Variants in FRYL observed in about 807,000 individuals in gnomAD.
The protein encoded by FRYL is protein furry homolog-like.
FRYL carries 150 observed loss-of-function variants against 351.2 expected under a neutral mutation model. The observed-to-expected ratio is 0.43, with a 90% CI of 0.37 to 0.49. FRYL has a LOEUF of 0.49. Among genes scored for constraint, FRYL ranks in the 20% least tolerant of loss-of-function variants. The pLI, the probability that FRYL is intolerant of heterozygous loss-of-function variation, is 0.00. For synonymous variants in FRYL, 1,153 were observed against 1,257.1 expected (o/e 0.92, Z 1.75); for missense variants, 3,036 against 3,619.3 (o/e 0.84, Z 4.13).
chr4:48,765,950 C>G (rs985862371), intron 1 of FRYL, among the ~76,000 whole-genome samples: 2 of 152,104 alleles, frequency 1.3e-5, no homozygotes, highest in African/African-American at 4.8e-5. Context: ...TGAGTTATCT[C>G]ACACCCAGAA....
chr4:48,556,198 A>G (rs1342702320), intron 35 of FRYL, among the ~76,000 whole-genome samples: 1 of 152,166 alleles, frequency 6.6e-6, no homozygotes, highest in Non-Finnish European at 1.5e-5. Flanking sequence ...CCTGGCCTGT[A>G]AGAACTTTTA....
rs375198805 is a variant in FRYL at position 48,586,659 on chromosome 4, G to A, written c.1710C>T (p.Asp570=). 33 of 1,611,798 alleles carry A rather than the reference G, an allele frequency of 2.0e-5. No individual in the cohort carries two copies. The highest frequency in any genetic ancestry group is 1.1e-4 in the East Asian group (5 of 44,704). ...CAATCAGGTCAGTTCTGCTCATACC[G>A]TCAGGAATCAACCTTGGAATCGCAG... ...CIAAIPRLIP[D]GMSRTDLIEL... The change falls in exon 19 of 64, where the codon GAC becomes GAT. Residue 570 remains aspartate, a synonymous_variant. Transcript: ENST00000358350.
intron 9 of FRYL, among the ~76,000 whole-genome samples, chr4:48,607,185 C>T (rs1316875493): frequency 6.6e-6 from 1 of 152,126 alleles, no homozygotes; most frequent in East Asian, 1.9e-4. Flanking sequence ...AAAAGGACAT[C>T]TAATAGTTTA....
In FRYL at chr4:48,634,494, A is replaced by G; in HGVS notation, c.-80-4T>C. 1 of 1,605,274 alleles carries G rather than the reference A, an allele frequency of 6.2e-7. No individual in the cohort carries two copies. The highest frequency in any genetic ancestry group is 8.5e-7 in the Non-Finnish European group (1 of 1,175,070). ...ACTTTGCTGACTGGCGCTGAAGCTA[A>G]AAGTAAAAGAAACAAAAGAACTCTA... On this transcript the variant is annotated splice_polypyrimidine_tract_variant and splice_region_variant and intron_variant, in intron 3 of 63. Transcript: ENST00000358350.
chr4:48,592,082 T>TTTTATATATATATATATATATATATATA (rs1553941949), intron 16 of FRYL, among the ~76,000 whole-genome samples: 6 of 116,206 alleles, frequency 5.2e-5, no homozygotes, highest in Non-Finnish European at 1.0e-4. Context: ...AATAAAGCTC[T>TTTTATATATATATATATATATATATATA]TATATATATA....
chr4:48,635,022 A>C (rs1466312660), intron 3 of FRYL, among the ~76,000 whole-genome samples: 1 of 152,184 alleles, frequency 6.6e-6, no homozygotes, highest in Non-Finnish European at 1.5e-5. Flanking sequence ...AAGACAAAGC[A>C]CCAGGAACAG....
At chr4:48,704,322 T>G (rs1767072824) in intron 2 of FRYL, among the ~76,000 whole-genome samples, 1 of 152,088 alleles carries the variant, frequency 6.6e-6, no homozygotes, top group South Asian at 2.1e-4. Context: ...AGATATTCAA[T>G]ATCACTCACA....
At chr4:48,515,418 A>T (rs1723365396) in intron 55 of FRYL, 143 bp from the exon 56 acceptor site, 2 of 641,354 alleles carry the variant, frequency 3.1e-6, no homozygotes, top group Non-Finnish European at 5.3e-6. Flanking sequence ...GCTGGAGTGG[A>T]GTGCAATGGC....
At chr4:48,510,243 A>G in intron 58 of FRYL, 86 bp from the exon 59 acceptor site, 1 of 967,750 alleles carries the variant, frequency 1.0e-6, no homozygotes, top group Non-Finnish European at 1.7e-6. Context: ...TCAGTCATGG[A>G]ATAGCTGTTA....
Position 48,606,498 on chromosome 4 carries a change from T to G in FRYL, c.681A>C (p.Lys227Asn). 1 of 1,612,840 alleles carries G rather than the reference T, an allele frequency of 6.2e-7. No individual in the cohort carries two copies. Among genetic ancestry groups the G allele is most frequent in the Non-Finnish European group, 8.5e-7 (1 of 1,179,126 alleles). The change falls in exon 10 of 64, where the codon AAA becomes AAC. Residue 227 changes from lysine to asparagine, a missense_variant. Physicochemically the swap from Lys to Asn is moderately conservative, Grantham distance 94. Around this residue, in one of 7 missense-constraint regions of FRYL, gnomAD observed 457 missense variants for 566.6 expected, o/e 0.81. Coordinates refer to ENST00000358350, the MANE Select transcript of FRYL (RefSeq NM_015030.2). ...QSVISLIMGM[K>N]FFRVKMYPVE... ...CAGGATACATTTTTACTCGAAAAAA[T>G]TTCATTCCCATTATTAAGCTGATGA...
chr4:48,544,669 G>A lies in FRYL; in HGVS notation c.5401+114C>T, dbSNP rs544849608. ...ATCTGTTATCATTAATAAATTAAAA[G>A]TCTAAAACTTTTAGAGGTATCACAA... On this transcript the variant is annotated intron_variant, in intron 43 of 63. Transcript: ENST00000358350. 79 of 776,532 alleles carry A rather than the reference G, an allele frequency of 1.0e-4. No individual in the cohort carries two copies. In the South Asian group the frequency reaches 2.2e-3, roughly 22 times the overall value. The allele number at this position is 776,532 out of a possible 1,614,324, so 48.1% of individuals were successfully genotyped here. A position where few individuals can be genotyped will look rare whatever the true frequency, so the allele number is the denominator to read the frequency against.
At chr4:48,589,967 G>T in intron 17 of FRYL, 90 bp from the exon 18 acceptor site, 1 of 1,146,212 alleles carries the variant, frequency 8.7e-7, no homozygotes, top group Non-Finnish European at 1.3e-6. Flanking sequence ...ATCTTTAAAT[G>T]ATTAGCTTAT....
At chr4:48,515,320 A>G (rs1200461787) in intron 55 of FRYL, 45 bp from the exon 56 acceptor site, 1 of 1,430,396 alleles carries the variant, frequency 7.0e-7, no homozygotes, top group African/African-American at 1.4e-5. Context: ...CACATAAAAA[A>G]AGAATTTTAC....
intron 2 of FRYL, 65 bp downstream of exon 2, chr4:48,710,454 A>G (rs1421148747): frequency 1.5e-5 from 6 of 398,408 alleles, no homozygotes; most frequent in African/African-American, 6.2e-5. Flanking sequence ...CAAAAAGTGC[A>G]GGTATTAACT....
At chr4:48,723,731 A>G (rs1769750216) in intron 1 of FRYL, among the ~76,000 whole-genome samples, 1 of 152,036 alleles carries the variant, frequency 6.6e-6, no homozygotes, top group Non-Finnish European at 1.5e-5. Context: ...GGAGACTCTT[A>G]GCTGATGATA....
chr4:48,661,590 C>A (rs942303742), intron 3 of FRYL, among the ~76,000 whole-genome samples: 3 of 152,178 alleles, frequency 2.0e-5, no homozygotes, highest in Admixed American at 6.5e-5. Context: ...TCCTCTAAAC[C>A]AAGCTGCAAA....
intron 3 of FRYL, among the ~76,000 whole-genome samples, chr4:48,651,879 A>T (rs781383860): frequency 1.3e-5 from 2 of 152,238 alleles, no homozygotes; most frequent in Non-Finnish European, 2.9e-5. Flanking sequence ...TTCCAGGGCT[A>T]CAGCAGACAA....
intron 53 of FRYL, among the ~76,000 whole-genome samples, chr4:48,526,060 TTGA>T (rs1577945613): frequency 6.6e-6 from 1 of 150,752 alleles, no homozygotes. Context: ...TACATGAGAG[TTGA>T]TGAATGTGTA....
Position 48,553,202 on chromosome 4 carries a change from A to T in FRYL, c.4435+13T>A. The T allele has an allele frequency of 6.2e-7, 1 of 1,605,390 alleles. No homozygotes were observed. Among genetic ancestry groups the T allele is most frequent in the African/African-American group, 1.3e-5 (1 of 74,738 alleles). On this transcript the variant is annotated intron_variant, in intron 36 of 63. Transcript: ENST00000358350. ...TCATCTCACACAGCAATCGGTTTTA[A>T]CAAATTTCTCACCTGAGGTGACAGA... is the stretch of plus-strand genomic sequence containing the variant.
Sources: allele counts gnomAD v4.1 joint callset (sites outside exome capture counted in the v4.1 genomes callset), GRCh38; gene constraint gnomAD v4.1.1; regional missense constraint gnomAD v4.1.1; transcripts MANE v1.5; gene names NCBI Gene and HGNC (gene_info 2026-07-23, HGNC 2026-07-21).